GRIK4: variants seen among roughly 807,000 people sequenced by gnomAD.
GRIK4 encodes glutamate receptor ionotropic, kainate 4.
Under a neutral mutation model 104.9 loss-of-function variants are expected in GRIK4, and 40 were observed. The ratio of observed to expected loss-of-function variants is 0.38; its 90% CI spans 0.30 to 0.50. The LOEUF is 0.50. GRIK4 is among the 20% of genes least tolerant of loss of function. The probability of loss-of-function intolerance (pLI) is 0.93; values close to 1 mark genes in which losing one functional copy is unlikely to be tolerated. For missense variants in GRIK4, 1,047 were observed against 1,308.1 expected (o/e 0.80, Z 3.08); for synonymous variants, 485 against 524.9 (o/e 0.92, Z 1.04).
At chr11:120,893,092 C>T (rs574132872) in intron 11 of GRIK4, among the ~76,000 whole-genome samples, 8 of 152,296 alleles carry the variant, frequency 5.3e-5, no homozygotes, top group East Asian at 3.9e-4. Context: ...TAACTGGCTT[C>T]GTAATGATAA....
At chr11:120,566,036 C>A (rs1026293859) in intron 1 of GRIK4, among the ~76,000 whole-genome samples, 1 of 152,150 alleles carries the variant, frequency 6.6e-6, no homozygotes, top group Admixed American at 6.5e-5. Context: ...AAAATCTGAG[C>A]CAGGCCCACA....
Position 120,967,910 on chromosome 11 carries a change from G to C in GRIK4, c.2395+587G>C, listed in dbSNP as rs1944411747. Among the ~76,000 whole-genome samples, 1 of 151,798 alleles carries C rather than the reference G, an allele frequency of 6.6e-6. No individual in the cohort carries two copies. The highest frequency in any genetic ancestry group is 6.6e-5 in the Admixed American group (1 of 15,248). On this transcript the variant is annotated intron_variant, in intron 19 of 20. Coordinates refer to ENST00000527524, the MANE Select transcript of GRIK4 (RefSeq NM_014619.5). The surrounding 1 kb of genome is among the most constrained non-coding windows in gnomAD (Gnocchi z 4.2). ...TCCCTCCTCCTGGCCTTCCCTCGAA[G>C]AGCTCTTCACTCCCACCCTACACAT... is the stretch of plus-strand genomic sequence containing the variant.
chr11:120,519,553 A>G (rs181532539), intron 1 of GRIK4, among the ~76,000 whole-genome samples: 68 of 152,302 alleles, frequency 4.5e-4, no homozygotes, highest in Non-Finnish European at 3.5e-4. Flanking sequence ...ACAAACTTCT[A>G]TTGTTTACCA....
chr11:120,531,637 G>A (rs1032854691), intron 1 of GRIK4, among the ~76,000 whole-genome samples: 26 of 151,756 alleles, frequency 1.7e-4, no homozygotes, highest in Non-Finnish European at 2.9e-5. Flanking sequence ...GTGCAGTGGC[G>A]CAGTCTCGGC....
chr11:120,531,607 G>C (rs1020194084), intron 1 of GRIK4, among the ~76,000 whole-genome samples: 4 of 151,092 alleles, frequency 2.6e-5, no homozygotes, highest in African/African-American at 9.8e-5. Context: ...ACTGAGTCTT[G>C]CTCTGTTGCT....
At chr11:120,792,523 G>A (rs527364064) in intron 3 of GRIK4, among the ~76,000 whole-genome samples, 4 of 152,038 alleles carry the variant, frequency 2.6e-5, no homozygotes, top group Non-Finnish European at 5.9e-5. Flanking sequence ...CCAGATAAGA[G>A]TTAAGAGGTT....
intron 3 of GRIK4, among the ~76,000 whole-genome samples, chr11:120,749,018 C>T (rs2135420561): frequency 6.6e-6 from 1 of 152,286 alleles, no homozygotes; most frequent in East Asian, 1.9e-4. Flanking sequence ...GTTATTTAAC[C>T]TACTATCTCC....
chr11:120,586,567 G>T (rs950222412), intron 1 of GRIK4, among the ~76,000 whole-genome samples: 8 of 152,130 alleles, frequency 5.3e-5, no homozygotes, highest in African/African-American at 1.9e-4. Context: ...TGAATTAGAG[G>T]AGACAGGAAG....
chr11:120,870,493 A>T (rs953737663), intron 9 of GRIK4: 6 of 152,226 alleles, frequency 3.9e-5, no homozygotes, highest in African/African-American at 1.4e-4. Flanking sequence ...AGAGAAGGCA[A>T]CAATGAAAGA....
intron 19 of GRIK4, among the ~76,000 whole-genome samples, chr11:120,970,821 G>A (rs746922309): frequency 5.9e-5 from 9 of 152,140 alleles, no homozygotes; most frequent in Non-Finnish European, 1.2e-4. Flanking sequence ...CTGCGTATGT[G>A]TTTGTTCTAC....
chr11:120,713,975 T>C (rs1591827763), intron 3 of GRIK4, among the ~76,000 whole-genome samples: 1 of 152,306 alleles, frequency 6.6e-6, no homozygotes, highest in Non-Finnish European at 1.5e-5. Flanking sequence ...CTTCCTACCA[T>C]AGAGCACCTG....
At position 120,984,780 on chromosome 11, in the gene GRIK4, A is replaced by AAAAC. The variant is rs961714377; in HGVS notation, c.2515-1108_2515-1105dup. On this transcript the variant is annotated intron_variant, in intron 20 of 20. Transcript: ENST00000527524. ...GAAGACTCTTGTCTAAAAAAAACCA[A>AAAAC]AAACAAACAAACAAACAAAAATGCA... is the stretch of plus-strand genomic sequence containing the variant. 8.7e-5 allele frequency among the ~76,000 whole-genome samples: 12 copies of AAAAC among 138,494 alleles called. No individual in the cohort carries two copies. The South Asian group carries it at 2.4e-3, about 27-fold the overall frequency. 90.9% of individuals were successfully genotyped at this position (138,494 alleles called of 152,430 possible).
chr11:120,891,865 G>A (rs1955308605), intron 11 of GRIK4, among the ~76,000 whole-genome samples: 8 of 152,186 alleles, frequency 5.3e-5, no homozygotes, highest in Admixed American at 5.2e-4. Context: ...ATGTAAAGTA[G>A]ATCAAGATTC....
chr11:120,737,572 T>C (rs758763728), intron 3 of GRIK4, among the ~76,000 whole-genome samples: 4 of 151,880 alleles, frequency 2.6e-5, no homozygotes, highest in Non-Finnish European at 5.9e-5. Context: ...AACGAACAAA[T>C]AAATTGTAAG....
chr11:120,956,811 C>A lies in GRIK4; in HGVS notation c.1732C>A (p.Pro578Thr). 3 of 1,613,076 alleles carry A rather than the reference C, an allele frequency of 1.9e-6. No individual in the cohort carries two copies. The highest frequency in any genetic ancestry group is 2.5e-6 in the Non-Finnish European group (3 of 1,179,474). Residue 578 changes from proline (P) to threonine (T), a missense_variant, in exon 16 of 21, where the codon CCA becomes ACA. Coordinates refer to ENST00000527524, the MANE Select transcript of GRIK4 (RefSeq NM_014619.5). This position sits in a 1 kb window ranked among gnomAD's most constrained non-coding sequence, Gnocchi z 4.6. ...GCCCTACGAGTGGTACAGCCCACAC[C>A]CATGTGCCCAGGGCCGGTGCAACCT... ...LTPYEWYSPH[P>T]CAQGRCNLLV...
intron 3 of GRIK4, among the ~76,000 whole-genome samples, chr11:120,771,184 G>GA (rs1268187649): frequency 1.3e-5 from 2 of 152,202 alleles, no homozygotes; most frequent in Non-Finnish European, 2.9e-5. Context: ...GAACCACAGA[G>GA]AAAACTTCAG....
At chr11:120,843,441 C>A (rs1420452207) in intron 8 of GRIK4, among the ~76,000 whole-genome samples, 2 of 152,268 alleles carry the variant, frequency 1.3e-5, no homozygotes, top group Non-Finnish European at 2.9e-5. Flanking sequence ...TTATAGAGGG[C>A]AAGGCCCTGG....
intron 19 of GRIK4, among the ~76,000 whole-genome samples, chr11:120,981,656 A>G (rs1042990970): frequency 6.6e-6 from 1 of 152,244 alleles, no homozygotes; most frequent in Admixed American, 6.5e-5. Flanking sequence ...AACTTTTTCT[A>G]TCCATGGTTT....
intron 3 of GRIK4, among the ~76,000 whole-genome samples, chr11:120,797,474 G>A (rs1351598203): frequency 6.6e-6 from 1 of 152,214 alleles, no homozygotes; most frequent in Non-Finnish European, 1.5e-5. Flanking sequence ...GAAGCATGCT[G>A]TTTGGTAACT....
Sources: gnomAD v4.1 joint callset for allele counts (sites outside exome capture counted in the v4.1 genomes callset) on GRCh38, gnomAD v4.1.1 for gene constraint, Gnocchi (gnomAD v3.1) non-coding constraint, MANE v1.5 for transcripts, NCBI Gene and HGNC (gene_info 2026-07-23, HGNC 2026-07-21) for gene names.